Variants in PKP2 observed in about 807,000 individuals in gnomAD.
The protein encoded by PKP2 is plakophilin-2.
PKP2 carries 73 observed loss-of-function variants against 83.4 expected under a neutral mutation model. That is an observed-to-expected ratio of 0.88 (90% confidence interval 0.72 to 1.06). PKP2 has a LOEUF of 1.06. Among genes scored for constraint, PKP2 ranks in the 50% least tolerant of loss-of-function variants. The probability of loss-of-function intolerance (pLI) is 0.00; values close to 1 mark genes in which losing one functional copy is unlikely to be tolerated. For synonymous variants in PKP2, 409 were observed against 430.4 expected, an observed-to-expected ratio of 0.95 and a Z score of 0.62; for missense variants, 966 against 1,065.4, an observed-to-expected ratio of 0.91 and a Z score of 1.30.
chr12:32,845,980 A>G (rs927719986), intron 5 of PKP2, among the ~76,000 whole-genome samples: 3 of 152,226 alleles, frequency 2.0e-5, no homozygotes, highest in Non-Finnish European at 2.9e-5. Flanking sequence ...AATTACTTAA[A>G]GAAAGTGCAT....
intron 3 of PKP2, 101 bp downstream of exon 3, chr12:32,877,745 G>T: frequency 1.2e-6 from 1 of 842,454 alleles, no homozygotes; most frequent in Non-Finnish European, 2.0e-6. Context: ...ATCTCTGGAA[G>T]CCCTTCTCTC....
rs1361210148 is a variant in PKP2, at chr12:32,823,981, C to A, written c.1674+64G>T. 5.1e-6 allele frequency: 5 copies of A among 985,870 alleles called. No individual in the cohort carries two copies. The Admixed American group carries it at 8.4e-5, about 17-fold the overall frequency. 61.1% of individuals were successfully genotyped at this position (985,870 alleles called of 1,614,324 possible). On this transcript the variant is annotated intron_variant, in intron 7 of 12. Transcript: ENST00000340811. ...AGTGAATAAACCTAAAACCAAGCGG[C>A]TATCTTAAGAATATTCTGAAGCATC...
At chr12:32,818,901 A>G (rs1041237787) in intron 9 of PKP2, among the ~76,000 whole-genome samples, 4 of 152,208 alleles carry the variant, frequency 2.6e-5, no homozygotes, top group Non-Finnish European at 5.9e-5. Context: ...TCTTTATCAC[A>G]GCATCTAAGC....
At chr12:32,808,487 C>T (rs1354053608) in intron 9 of PKP2, among the ~76,000 whole-genome samples, 4 of 152,120 alleles carry the variant, frequency 2.6e-5, no homozygotes, top group South Asian at 4.1e-4. Context: ...TTTATCTCAG[C>T]GAAGTTTGTT....
chr12:32,880,391 C>G lies in PKP2; in HGVS notation c.224-1359G>C, dbSNP rs1187058408. On this transcript the variant is annotated intron_variant, in intron 1 of 12. Transcript: ENST00000340811. The stretch of plus-strand genomic sequence containing the variant: ...CTCCAGCCAGGGCGACAGAGCAAGA[C>G]TCCTGTCTCAAAAAAACAAAAACAA... Among the ~76,000 whole-genome samples the G allele has an allele frequency of 1.3e-5, 2 of 152,066 alleles. 1 individual carries two copies. The highest frequency in any genetic ancestry group is 4.8e-5 in the African/African-American group (2 of 41,386).
rs144366883 is a variant in PKP2, at chr12:32,873,846, G to A, written c.1034+4000C>T. Among the ~76,000 whole-genome samples, 303 of 152,236 alleles carry A rather than the reference G, an allele frequency of 2.0e-3. 1 individual carries two copies. Among genetic ancestry groups the A allele is most frequent in the Admixed American group, 3.6e-3 (55 of 15,288 alleles). ...CGTCCGGCCCATTTTCATCTTTTGT[G>A]ATGCTTACTGGGAAGGACCTATGAA... is the stretch of plus-strand genomic sequence containing the variant. On this transcript the variant is annotated intron_variant, in intron 3 of 12. Transcript: ENST00000340811.
intron 5 of PKP2, chr12:32,843,154 G>T: frequency 2.2e-6 from 1 of 449,706 alleles, no homozygotes; most frequent in South Asian, 1.5e-5. Flanking sequence ...TAATTTTTTT[G>T]TATTTTGAGT....
At chr12:32,858,769 A>G (rs1006198155) in intron 4 of PKP2, among the ~76,000 whole-genome samples, 2 of 152,348 alleles carry the variant, frequency 1.3e-5, no homozygotes, top group East Asian at 3.9e-4. Flanking sequence ...AGAAAGAGAT[A>G]TATCTTAGTA....
chr12:32,792,982 GGCTCAC>G (rs1477594135), intron 11 of PKP2: 1 of 461,520 alleles, frequency 2.2e-6, no homozygotes, highest in Non-Finnish European at 4.0e-6. Context: ...CAGGTGGGGT[GGCTCAC>G]GCCTGTAATC....
intron 9 of PKP2, among the ~76,000 whole-genome samples, chr12:32,816,256 C>T (rs1366833077): frequency 6.6e-6 from 1 of 152,080 alleles, no homozygotes; most frequent in Non-Finnish European, 1.5e-5. Context: ...TTCTTGTAGT[C>T]CCCAGTGTCT....
At chr12:32,824,367 G>A (rs1238008902) in intron 6 of PKP2, 20 of 571,246 alleles carry the variant, frequency 3.5e-5, no homozygotes, top group Non-Finnish European at 5.6e-5. Context: ...CAAACAACAC[G>A]TAATTGTGTC....
intron 7 of PKP2, among the ~76,000 whole-genome samples, chr12:32,823,789 G>C (rs1193107461): frequency 6.6e-6 from 1 of 152,076 alleles, no homozygotes; most frequent in Middle Eastern, 3.4e-3. Flanking sequence ...TTTTAGTAGA[G>C]ACGGGGTTTC....
intron 3 of PKP2, among the ~76,000 whole-genome samples, chr12:32,870,277 C>A (rs1956884586): frequency 6.6e-6 from 1 of 152,024 alleles, no homozygotes; most frequent in Non-Finnish European, 1.5e-5. Context: ...GTGTGTACAG[C>A]CTTATGAAGG....
intron 4 of PKP2, among the ~76,000 whole-genome samples, chr12:32,861,271 T>A (rs1404505651): frequency 6.6e-6 from 1 of 152,074 alleles, no homozygotes; most frequent in African/African-American, 2.4e-5. Context: ...TAGACACAGA[T>A]ATTAGAATTA....
intron 3 of PKP2, among the ~76,000 whole-genome samples, chr12:32,875,553 A>T (rs1184587416): frequency 6.6e-6 from 1 of 152,324 alleles, no homozygotes; most frequent in Middle Eastern, 3.4e-3. Context: ...AAGCATGAAC[A>T]CTTAGTGGAA....
intron 4 of PKP2, among the ~76,000 whole-genome samples, chr12:32,858,900 A>G (rs1956777361): frequency 6.6e-6 from 1 of 152,208 alleles, no homozygotes; most frequent in South Asian, 2.1e-4. Flanking sequence ...AAAAATCAGC[A>G]GAAGCTCTGT....
intron 1 of PKP2, among the ~76,000 whole-genome samples, chr12:32,893,074 ACT>A (rs1419153682): frequency 6.6e-6 from 1 of 152,220 alleles, no homozygotes; most frequent in African/African-American, 2.4e-5. Flanking sequence ...ACCAAAAGTC[ACT>A]GAGTGATTTA....
intron 1 of PKP2, among the ~76,000 whole-genome samples, chr12:32,890,048 C>A (rs1407177289): frequency 7.3e-6 from 1 of 136,656 alleles, no homozygotes; most frequent in Non-Finnish European, 1.5e-5. Context: ...CGCACTCCAG[C>A]CTGGGCATAG....
At chr12:32,844,561 A>T (rs184633016) in intron 5 of PKP2, among the ~76,000 whole-genome samples, 40 of 152,338 alleles carry the variant, frequency 2.6e-4, no homozygotes, top group African/African-American at 8.4e-4. Context: ...ACCAGAACCG[A>T]TGAGTGGAAA....
Sources: allele counts gnomAD v4.1 joint callset (sites outside exome capture counted in the v4.1 genomes callset), GRCh38; gene constraint gnomAD v4.1.1; transcripts MANE v1.5; gene names NCBI Gene and HGNC (gene_info 2026-07-23, HGNC 2026-07-21).